The following NTRK2 variants were observed in gnomAD, a reference collection of about 807,000 sequenced individuals.
The protein encoded by NTRK2 is neurotrophic receptor tyrosine kinase 2, also known as BDNF/NT-3 growth factors receptor.
A neutral mutation model predicts 94.5 loss-of-function variants in NTRK2; 13 were observed. The observed-to-expected ratio is 0.14, with a 90% CI of 0.09 to 0.22. NTRK2 has a LOEUF of 0.22. NTRK2 is among the 10% of genes least tolerant of loss of function. NTRK2 has a pLI of 1.00. For missense variants in NTRK2, 639 were observed against 1,071.2 expected (o/e 0.60, Z 5.63); for synonymous variants, 372 against 407.4 (o/e 0.91, Z 1.05).
At chr9:84,969,292 T>C (rs1588076917) in intron 17 of NTRK2, among the ~76,000 whole-genome samples, 1 of 152,366 alleles carries the variant, frequency 6.6e-6, no homozygotes, top group East Asian at 1.9e-4. Context: ...CTCGCTTACC[T>C]TTTGTCAGCC....
intron 17 of NTRK2, among the ~76,000 whole-genome samples, chr9:84,978,770 C>G (rs970993939): frequency 6.6e-6 from 1 of 152,178 alleles, no homozygotes; most frequent in African/African-American, 2.4e-5. Context: ...CGTCAGCTGA[C>G]TCTCTTGTTA....
intron 17 of NTRK2, among the ~76,000 whole-genome samples, chr9:85,006,245 G>A (rs1288978706): frequency 6.6e-6 from 1 of 152,202 alleles, no homozygotes; most frequent in Admixed American, 6.5e-5. Context: ...GGGAAGTTTA[G>A]CTTCTCCTGA....
At chr9:85,000,228 A>C (rs946358093) in intron 17 of NTRK2, among the ~76,000 whole-genome samples, 29 of 152,300 alleles carry the variant, frequency 1.9e-4, no homozygotes, top group Admixed American at 3.9e-4. Context: ...ACAGTCAGTG[A>C]ACCTGCACTG....
chr9:84,875,038 G>A (rs2076012471), intron 14 of NTRK2: 2 of 1,059,064 alleles, frequency 1.9e-6, no homozygotes, highest in Non-Finnish European at 2.3e-6. Context: ...AAACAAAGAT[G>A]AAACGAAAAG....
chr9:84,810,691 T>A, intron 12 of NTRK2: 2 of 1,586,446 alleles, frequency 1.3e-6, no homozygotes, highest in Admixed American at 1.8e-5. Context: ...GTGCTGCTTA[T>A]CTGGGGTTTT....
intron 9 of NTRK2, among the ~76,000 whole-genome samples, chr9:84,740,104 C>A (rs2063533111): frequency 6.6e-6 from 1 of 152,184 alleles, no homozygotes; most frequent in Non-Finnish European, 1.5e-5. Context: ...GACTTGCTCT[C>A]TTGGGCTTAT....
chr9:84,744,802 C>A (rs2063924063), intron 10 of NTRK2, among the ~76,000 whole-genome samples, 171 bp from the exon 11 acceptor site: 1 of 152,188 alleles, frequency 6.6e-6, no homozygotes, highest in Admixed American at 6.5e-5. Context: ...CTCAGCGCTG[C>A]AGTGCATTGA....
At chr9:84,677,864 T>C (rs2131358107) in intron 2 of NTRK2, among the ~76,000 whole-genome samples, 1 of 152,322 alleles carries the variant, frequency 6.6e-6, no homozygotes, top group African/African-American at 2.4e-5. Flanking sequence ...CTGATATATA[T>C]TGTGAAGAGA....
At chr9:84,720,719 T>C (rs773731442) in intron 6 of NTRK2, among the ~76,000 whole-genome samples, 3 of 151,858 alleles carry the variant, frequency 2.0e-5, no homozygotes, top group Non-Finnish European at 2.9e-5. Context: ...AAAGAAAAAT[T>C]CAAGAAATGA....
intron 17 of NTRK2, among the ~76,000 whole-genome samples, chr9:84,971,378 G>A (rs543330123): frequency 3.3e-5 from 5 of 152,234 alleles, no homozygotes; most frequent in African/African-American, 1.2e-4. Context: ...TGTGATAAAT[G>A]GCATGGAACA....
chr9:84,823,149 A>C (rs866809411), intron 12 of NTRK2, among the ~76,000 whole-genome samples: 2 of 152,284 alleles, frequency 1.3e-5, no homozygotes, highest in South Asian at 4.1e-4. Flanking sequence ...TGTTTAAAAA[A>C]TGTAATTTTT....
chr9:84,975,145 G>T (rs1199791283), intron 17 of NTRK2, among the ~76,000 whole-genome samples: 2 of 152,124 alleles, frequency 1.3e-5, no homozygotes, highest in African/African-American at 2.4e-5. Context: ...CTCAGAGGAA[G>T]GAAGGTTCCT....
At chr9:84,844,860 C>G (rs1032680122) in intron 12 of NTRK2, among the ~76,000 whole-genome samples, 3 of 150,628 alleles carry the variant, frequency 2.0e-5, no homozygotes, top group African/African-American at 7.3e-5. Context: ...TCCATGTAAC[C>G]AAAAAACACC....
At position 84,948,442 on chromosome 9, in the gene NTRK2, C is replaced by G. The variant is rs2132880005; in HGVS notation, c.1765-20C>G. The G allele has an allele frequency of 6.2e-7, 1 of 1,613,570 alleles. No homozygotes were observed. The highest frequency in any genetic ancestry group is 8.5e-7 in the Non-Finnish European group (1 of 1,179,634). ...TAGGGCCCACTGAAGTAATCCTTCTCTTTTAACACCCATCCCCAGACCCTG... is the reference window on the plus strand; with the variant it reads ...TAGGGCCCACTGAAGTAATCCTTCTGTTTTAACACCCATCCCCAGACCCTG... On this transcript the variant is annotated intron_variant, in intron 15 of 18. Coordinates refer to ENST00000277120, the MANE Select transcript of NTRK2 (RefSeq NM_006180.6).
chr9:84,951,744 T>A (rs941264077), intron 16 of NTRK2, among the ~76,000 whole-genome samples: 3 of 152,228 alleles, frequency 2.0e-5, no homozygotes, highest in Non-Finnish European at 4.4e-5. Context: ...AGGTTTGCCA[T>A]GCCAAAAGTC....
chr9:84,875,406 A>G (rs2076025475), intron 14 of NTRK2: 3 of 1,061,610 alleles, frequency 2.8e-6, no homozygotes, highest in African/African-American at 1.6e-5. Flanking sequence ...GGAAAGACTC[A>G]GGAAATGAGA....
At chr9:84,991,775 C>G (rs1829103131) in intron 17 of NTRK2, among the ~76,000 whole-genome samples, 1 of 152,162 alleles carries the variant, frequency 6.6e-6, no homozygotes, top group Non-Finnish European at 1.5e-5. Flanking sequence ...GCCAGTGCCC[C>G]CTTGCAGTTC....
intron 12 of NTRK2, chr9:84,810,528 T>C: frequency 1.2e-6 from 2 of 1,610,870 alleles, no homozygotes; most frequent in East Asian, 2.2e-5. Flanking sequence ...TGTTTTATTT[T>C]GTGTTTCTTT....
At chr9:85,020,401 T>C (rs1014595706) in intron 18 of NTRK2, 37 bp downstream of exon 18, 2 of 1,612,156 alleles carry the variant, frequency 1.2e-6, no homozygotes, top group Non-Finnish European at 1.7e-6. Context: ...TCCAGAGGGC[T>C]GAGATCCCAG....
Sources: gnomAD v4.1 joint callset for allele counts (sites outside exome capture counted in the v4.1 genomes callset) on GRCh38, gnomAD v4.1.1 for gene constraint, MANE v1.5 for transcripts, NCBI Gene and HGNC (gene_info 2026-07-23, HGNC 2026-07-21) for gene names.